Variants in PRKN observed in about 807,000 individuals in gnomAD.
The protein encoded by PRKN is E3 ubiquitin-protein ligase parkin.
A neutral mutation model predicts 59.5 loss-of-function variants in PRKN; 56 were observed. The ratio of observed to expected loss-of-function variants is 0.94; its 90% CI spans 0.76 to 1.18. The LOEUF (loss-of-function observed/expected upper bound fraction) is 1.18, where lower values mean the gene tolerates loss of function less well. PRKN is among the 50% of genes most tolerant of loss of function. The pLI, the probability that PRKN is intolerant of heterozygous loss-of-function variation, is 0.00. For synonymous variants in PRKN, 250 were observed against 222.1 expected (o/e 1.13, Z -1.12); for missense variants, 657 against 596.4 (o/e 1.10, Z -1.06).
intron 7 of PRKN, among the ~76,000 whole-genome samples, chr6:161,694,517 T>G (rs1313902738): frequency 1.3e-5 from 2 of 152,194 alleles, no homozygotes; most frequent in East Asian, 1.9e-4. Flanking sequence ...ACTATGGATT[T>G]TTTTTTTAAT....
intron 6 of PRKN, among the ~76,000 whole-genome samples, chr6:161,810,540 T>C (rs903518142): frequency 2.0e-5 from 3 of 152,202 alleles, no homozygotes; most frequent in Non-Finnish European, 2.9e-5. Flanking sequence ...TATACCCATA[T>C]ACAAAAGCTT....
In PRKN at chr6:161,875,000, T is replaced by TA. The variant is rs1562356811; in HGVS notation, c.735-89093dup. Reference sequence around the variant, plus strand: ...ATTATATTATATACTTTATATATAATATATTATATATTATATATAAAGTAT... The same window carrying TA: ...ATTATATTATATACTTTATATATAATAATATTATATATTATATATAAAGTAT... On this transcript the variant is annotated intron_variant, in intron 6 of 11. Transcript: ENST00000366898. 1.6e-4 allele frequency among the ~76,000 whole-genome samples: 15 copies of TA among 91,818 alleles called. 3 individuals carry two copies. The highest frequency in any genetic ancestry group is 8.3e-4 in the African/African-American group (15 of 18,074). The allele number at this position is 91,818 out of a possible 152,430, so 60.2% of individuals were successfully genotyped here.
At chr6:162,126,415 A>C (rs1781127344) in intron 4 of PRKN, among the ~76,000 whole-genome samples, 1 of 152,310 alleles carries the variant, frequency 6.6e-6, no homozygotes, top group African/African-American at 2.4e-5. Flanking sequence ...AACTGGCTTA[A>C]TTGGTTTCGA....
chr6:161,882,839 A>G (rs1794989140), intron 6 of PRKN, among the ~76,000 whole-genome samples: 1 of 151,814 alleles, frequency 6.6e-6, no homozygotes, highest in Non-Finnish European at 1.5e-5. Flanking sequence ...CCCCATCTCT[A>G]CTAAAAAATA....
At position 161,527,997 on chromosome 6, in the gene PRKN, T is replaced by C. The variant is rs1224979488; in HGVS notation, c.1083+20857A>G. On this transcript the variant is annotated intron_variant, in intron 9 of 11. Coordinates refer to ENST00000366898, the MANE Select transcript of PRKN (RefSeq NM_004562.3). This position sits in a 1 kb window ranked among gnomAD's most constrained non-coding sequence, Gnocchi z 4.6. Reference sequence around the variant, plus strand: ...GAGACTTAGAGTTAACTTGAATAAATTCCCCTAATCTGAGATTGAAAAGAC... The same window carrying C: ...GAGACTTAGAGTTAACTTGAATAAACTCCCCTAATCTGAGATTGAAAAGAC... 1.3e-5 allele frequency among the ~76,000 whole-genome samples: 2 copies of C among 152,202 alleles called. No homozygotes were observed. Among genetic ancestry groups the C allele is most frequent in the South Asian group, 2.1e-4 (1 of 4,832 alleles).
intron 4 of PRKN, among the ~76,000 whole-genome samples, chr6:162,125,459 T>G (rs577996574): frequency 3.9e-5 from 6 of 152,332 alleles, no homozygotes; most frequent in South Asian, 2.1e-4. Context: ...AATATTTTTT[T>G]CCCTACAAAA....
chr6:161,597,834 G>GTGCA (rs1781969155), intron 7 of PRKN, among the ~76,000 whole-genome samples: 1 of 85,934 alleles, frequency 1.2e-5, no homozygotes, highest in Non-Finnish European at 2.2e-5. Context: ...GATCCAGCGT[G>GTGCA]CGCACACACA....
intron 1 of PRKN, among the ~76,000 whole-genome samples, chr6:162,696,329 C>T (rs1777965432): frequency 6.6e-6 from 1 of 152,090 alleles, no homozygotes; most frequent in Non-Finnish European, 1.5e-5. Context: ...AAGTGCCACG[C>T]TCAAGAAAGG....
At chr6:162,708,741 G>C (rs555681229) in intron 1 of PRKN, among the ~76,000 whole-genome samples, 86 of 152,284 alleles carry the variant, frequency 5.6e-4, no homozygotes, top group African/African-American at 1.9e-3. Flanking sequence ...TTTCTGCCCT[G>C]ACATAGAGTC....
chr6:162,027,961 C>A (rs1259642598), intron 5 of PRKN, among the ~76,000 whole-genome samples: 1 of 151,606 alleles, frequency 6.6e-6, no homozygotes, highest in Non-Finnish European at 1.5e-5. Flanking sequence ...TTTGATTTTT[C>A]CATAATTTCC....
chr6:162,400,716 G>A (rs1787750001), intron 2 of PRKN, among the ~76,000 whole-genome samples: 2 of 152,234 alleles, frequency 1.3e-5, no homozygotes, highest in South Asian at 4.2e-4. Flanking sequence ...AGAAAAGGTA[G>A]ATGGGTGGGA....
In PRKN at chr6:162,724,126, T is replaced by C. The variant is rs528450833; in HGVS notation, c.7+3536A>G. ...CAAATATCCCCACTAACATTCCATT[T>C]TAAACACAAAGAATTGCTCATTTTT... On this transcript the variant is annotated intron_variant, in intron 1 of 11. Coordinates refer to ENST00000366898, the MANE Select transcript of PRKN (RefSeq NM_004562.3). Among the ~76,000 whole-genome samples the C allele has an allele frequency of 5.3e-5, 8 of 152,364 alleles. No homozygotes were observed. In the South Asian group the frequency reaches 1.7e-3, roughly 32 times the overall value.
At chr6:161,706,445 C>T (rs111692929) in intron 7 of PRKN, among the ~76,000 whole-genome samples, 1 of 152,232 alleles carries the variant, frequency 6.6e-6, no homozygotes, top group African/African-American at 2.4e-5. Flanking sequence ...CACTGTCAAG[C>T]TTTGCTTCAC....
chr6:161,851,142 C>T (rs1793416381), intron 6 of PRKN, among the ~76,000 whole-genome samples: 2 of 152,164 alleles, frequency 1.3e-5, no homozygotes, highest in South Asian at 4.1e-4. Flanking sequence ...GAGGGCTCTG[C>T]TCTCATGAAT....
intron 6 of PRKN, among the ~76,000 whole-genome samples, chr6:161,856,912 C>T (rs34092912): frequency 0.5 from 75,660 of 151,848 alleles, 19,104 homozygotes; most frequent in East Asian, 0.76. Context: ...TCATGGCTAA[C>T]ATAAGCATTT....
In PRKN at chr6:162,135,193, G is replaced by C. The variant is rs6920188; in HGVS notation, c.534+65938C>G. Among the ~76,000 whole-genome samples, 959 of 150,740 alleles carry C rather than the reference G, an allele frequency of 6.4e-3. 13 individuals are homozygous for C. The highest frequency in any genetic ancestry group is 0.022 in the African/African-American group (907 of 41,480). The stretch of plus-strand genomic sequence containing the variant: ...CCCCTGTCTCCCAGGCTGGAGTGCA[G>C]TGGCCTGATCATAGCTCACTGTAGT... On this transcript the variant is annotated intron_variant, in intron 4 of 11. Coordinates refer to ENST00000366898, the MANE Select transcript of PRKN (RefSeq NM_004562.3).
At chr6:162,453,059 T>C (rs1436662758) in intron 1 of PRKN, among the ~76,000 whole-genome samples, 1 of 152,178 alleles carries the variant, frequency 6.6e-6, no homozygotes, top group Non-Finnish European at 1.5e-5. Context: ...TCAAGAATCA[T>C]AGCCCAAGCC....
chr6:162,530,048 T>C (rs1364920278), intron 1 of PRKN, among the ~76,000 whole-genome samples: 1 of 151,774 alleles, frequency 6.6e-6, no homozygotes, highest in Non-Finnish European at 1.5e-5. Flanking sequence ...GAGAATTGCT[T>C]GAACCTGGGA....
chr6:162,574,371 G>GA (rs35538813), intron 1 of PRKN, among the ~76,000 whole-genome samples: 6 of 149,142 alleles, frequency 4.0e-5, no homozygotes, highest in Non-Finnish European at 9.0e-5. Flanking sequence ...AGAGAAAGAG[G>GA]AAAAAAAAAA....
Sources: allele counts gnomAD v4.1 joint callset (sites outside exome capture counted in the v4.1 genomes callset), GRCh38; gene constraint gnomAD v4.1.1; non-coding constraint Gnocchi (gnomAD v3.1); transcripts MANE v1.5; gene names NCBI Gene and HGNC (gene_info 2026-07-23, HGNC 2026-07-21).